The following NLGN1 variants were observed in gnomAD, a reference collection of about 807,000 sequenced individuals.
The protein encoded by NLGN1 is neuroligin 1, also known as neuroligin-1.
Under a neutral mutation model 65.5 loss-of-function variants are expected in NLGN1, and 12 were observed. The ratio of observed to expected loss-of-function variants is 0.18; its 90% CI spans 0.12 to 0.30. NLGN1 has a LOEUF of 0.30. Ranked by LOEUF, NLGN1 falls within the 10% of genes least tolerant of loss-of-function variation. NLGN1 has a pLI of 1.00. For missense variants in NLGN1, 750 were observed against 1,007.1 expected (o/e 0.74, Z 3.46); for synonymous variants, 350 against 359.5 (o/e 0.97, Z 0.30).
At chr3:174,228,579 C>T (rs151304639) in intron 4 of NLGN1, among the ~76,000 whole-genome samples, 1 of 152,070 alleles carries the variant, frequency 6.6e-6, no homozygotes, top group Non-Finnish European at 1.5e-5. Context: ...CTATTCAGCA[C>T]TAGGTAACTA....
At chr3:173,459,309 G>T (rs1036503379) in intron 2 of NLGN1, among the ~76,000 whole-genome samples, 3 of 151,982 alleles carry the variant, frequency 2.0e-5, no homozygotes, top group African/African-American at 4.8e-5. Context: ...CTAATTTCCT[G>T]TTTCCACTTT....
chr3:173,790,593 T>C (rs1003807063), intron 3 of NLGN1, among the ~76,000 whole-genome samples: 2 of 152,170 alleles, frequency 1.3e-5, no homozygotes, highest in African/African-American at 2.4e-5. Flanking sequence ...CAAGGTCATA[T>C]AGCTGGCAGG....
intron 4 of NLGN1, among the ~76,000 whole-genome samples, chr3:174,081,597 GTTTTT>G (rs58453866): frequency 8.2e-6 from 1 of 122,058 alleles, no homozygotes; most frequent in African/African-American, 3.2e-5. Context: ...TGATTAGGTT[GTTTTT>G]TTTTTTTTTT....
At chr3:173,687,645 G>A (rs1764869413) in intron 3 of NLGN1, among the ~76,000 whole-genome samples, 1 of 152,176 alleles carries the variant, frequency 6.6e-6, no homozygotes, top group Non-Finnish European at 1.5e-5. Flanking sequence ...TTTAAATATT[G>A]ATATGTGAAA....
chr3:173,563,837 G>A (rs916575083), intron 2 of NLGN1, among the ~76,000 whole-genome samples: 18 of 152,102 alleles, frequency 1.2e-4, no homozygotes, highest in African/African-American at 3.4e-4. Context: ...CTTCTTGCTC[G>A]TCTTCCTGTT....
intron 4 of NLGN1, among the ~76,000 whole-genome samples, chr3:174,126,967 T>C (rs1175355790): frequency 1.3e-5 from 2 of 152,152 alleles, no homozygotes; most frequent in Non-Finnish European, 2.9e-5. Flanking sequence ...CTAAACTCTA[T>C]TGGTAAGATA....
intron 4 of NLGN1, among the ~76,000 whole-genome samples, chr3:174,168,389 C>T (rs182397241): frequency 7.2e-5 from 11 of 152,162 alleles, no homozygotes; most frequent in Non-Finnish European, 1.0e-4. Flanking sequence ...TTTTCTTCTT[C>T]TTCTATAATA....
intron 4 of NLGN1, among the ~76,000 whole-genome samples, chr3:173,946,688 G>A (rs540487844): frequency 2.6e-5 from 4 of 152,184 alleles, no homozygotes; most frequent in African/African-American, 9.6e-5. Context: ...AACTCATCTT[G>A]TACTTCCGCT....
intron 4 of NLGN1, among the ~76,000 whole-genome samples, chr3:174,151,930 T>C (rs1347815959): frequency 6.6e-6 from 1 of 152,116 alleles, no homozygotes; most frequent in Non-Finnish European, 1.5e-5. Flanking sequence ...ATATATACCA[T>C]GAACTTCCAT....
chr3:173,829,352 AAAAATCC>A (rs1393701737), intron 4 of NLGN1, among the ~76,000 whole-genome samples: 2 of 152,164 alleles, frequency 1.3e-5, no homozygotes, highest in African/African-American at 4.8e-5. Flanking sequence ...GGCTAGAGAG[AAAAATCC>A]AAAATCCAAA....
intron 4 of NLGN1, among the ~76,000 whole-genome samples, chr3:173,835,415 A>G (rs1365703009): frequency 6.6e-6 from 1 of 152,104 alleles, no homozygotes; most frequent in East Asian, 1.9e-4. Flanking sequence ...TGATCATTGA[A>G]ATTTGCAACA....
intron 3 of NLGN1, among the ~76,000 whole-genome samples, chr3:173,753,091 T>G (rs980873679): frequency 6.6e-6 from 1 of 152,150 alleles, no homozygotes; most frequent in Non-Finnish European, 1.5e-5. Context: ...ACTCAGTTGT[T>G]TTCGTCAGCA....
chr3:174,265,260 C>G (rs1045543065), intron 4 of NLGN1, among the ~76,000 whole-genome samples: 1 of 151,726 alleles, frequency 6.6e-6, no homozygotes, highest in South Asian at 2.1e-4. Context: ...TGGGCAATGG[C>G]GGGCGCCACT....
At chr3:173,675,868 G>GTCTCTC (rs10635715) in intron 3 of NLGN1, among the ~76,000 whole-genome samples, 3,543 of 132,496 alleles carry the variant, frequency 0.027, 113 homozygotes, top group African/African-American at 0.075. Context: ...CTCTCTCTTT[G>GTCTCTC]TCTCTCTCTC....
chr3:173,865,700 T>C (rs983854898), intron 4 of NLGN1, among the ~76,000 whole-genome samples: 6 of 152,202 alleles, frequency 3.9e-5, no homozygotes, highest in African/African-American at 1.4e-4. Context: ...AGAGCTTTGA[T>C]ATTTAAAAGT....
chr3:173,912,142 G>T lies in NLGN1; in HGVS notation c.646+104310G>T, dbSNP rs139658043. Among the ~76,000 whole-genome samples the T allele has an allele frequency of 3.3e-3, 497 of 152,236 alleles. 5 individuals are homozygous for T. The highest frequency in any genetic ancestry group is 0.011 in the African/African-American group (457 of 41,542). ...TGACAGTGTTCCCCTCTGATCCGAA[G>T]AGAGCATGAGATCTTTAAGAAAGGT... On this transcript the variant is annotated intron_variant, in intron 4 of 6. Coordinates refer to ENST00000457714, the Ensembl canonical transcript of NLGN1.
chr3:173,991,828 T>C (rs1360241186), intron 4 of NLGN1, among the ~76,000 whole-genome samples: 21 of 152,094 alleles, frequency 1.4e-4, no homozygotes, highest in Admixed American at 1.4e-3. Context: ...GTTTGTTTGT[T>C]TTTTGACGGA....
intron 4 of NLGN1, among the ~76,000 whole-genome samples, chr3:174,161,792 C>T (rs896991597): frequency 6.6e-6 from 1 of 151,782 alleles, no homozygotes; most frequent in African/African-American, 2.4e-5. Context: ...TGGTAGATTT[C>T]CTGAGAATGG....
At chr3:174,235,174 T>C (rs1385258529) in intron 4 of NLGN1, among the ~76,000 whole-genome samples, 1 of 151,966 alleles carries the variant, frequency 6.6e-6, no homozygotes, top group Non-Finnish European at 1.5e-5. Context: ...TGCAGTTGTC[T>C]CTTCCAAATT....
Sources: gnomAD v4.1 joint callset for allele counts (sites outside exome capture counted in the v4.1 genomes callset) on GRCh38, gnomAD v4.1.1 for gene constraint, MANE v1.5 for transcripts, NCBI Gene and HGNC (gene_info 2026-07-23, HGNC 2026-07-21) for gene names.